TTC28: variants seen among roughly 807,000 people sequenced by gnomAD.
TTC28 encodes tetratricopeptide repeat protein 28.
A neutral mutation model predicts 198.0 loss-of-function variants in TTC28; 61 were observed. The observed-to-expected ratio is 0.31, with a 90% CI of 0.25 to 0.38. TTC28 has a LOEUF of 0.38. Ranked by LOEUF, TTC28 falls within the 10% of genes least tolerant of loss-of-function variation. TTC28 has a pLI of 1.00. For missense variants in TTC28, 2,678 were observed against 3,164.0 expected (o/e 0.85, Z 3.69); for synonymous variants, 1,171 against 1,297.8 (o/e 0.90, Z 2.10).
chr22:28,218,680 A>G (rs755759408), intron 5 of TTC28, among the ~76,000 whole-genome samples: 1 of 152,170 alleles, frequency 6.6e-6, no homozygotes, highest in Non-Finnish European at 1.5e-5. Context: ...GGTGCTTTAC[A>G]TGTACTACCC....
chr22:28,257,855 A>G (rs1222971754), intron 5 of TTC28, among the ~76,000 whole-genome samples: 1 of 150,058 alleles, frequency 6.7e-6, no homozygotes, highest in African/African-American at 2.5e-5. Context: ...GAAAGACTAC[A>G]TATAGTTTAT....
intron 17 of TTC28, among the ~76,000 whole-genome samples, chr22:27,995,026 T>A (rs1289992302): frequency 1.3e-5 from 2 of 152,126 alleles, no homozygotes; most frequent in African/African-American, 4.8e-5. Flanking sequence ...TACTGACTAC[T>A]TTCAGGCCTG....
At chr22:28,326,620 G>A (rs1487595351) in intron 2 of TTC28, among the ~76,000 whole-genome samples, 1 of 152,158 alleles carries the variant, frequency 6.6e-6, no homozygotes, top group African/African-American at 2.4e-5. Flanking sequence ...ATTAAAGAGT[G>A]AGAACAAAAG....
chr22:27,983,732 G>C lies in TTC28; in HGVS notation c.5935C>G (p.Pro1979Ala), dbSNP rs1569065717. Reference protein sequence around the residue: ...PLGYQQPPFSPTGADSIASDA... With the variant: ...PLGYQQPPFSATGADSIASDA... The stretch of plus-strand genomic sequence containing the variant: ...GAGGCGATGCTGTCCGCACCGGTGG[G>C]AGAGAAGGGGGGTTGCTGGTAACCC... Residue 1979 changes from proline to alanine, a missense_variant, in exon 23 of 23, where the codon CCC becomes GCC. Coordinates refer to ENST00000397906, the MANE Select transcript of TTC28 (RefSeq NM_001145418.2). 2.6e-6 allele frequency: 4 copies of C among 1,551,612 alleles called. No individual in the cohort carries two copies. In the East Asian group the frequency reaches 9.8e-5, roughly 38 times the overall value.
chr22:28,061,196 T>G (rs1940522674), intron 12 of TTC28, among the ~76,000 whole-genome samples: 1 of 152,250 alleles, frequency 6.6e-6, no homozygotes, highest in Non-Finnish European at 1.5e-5. Flanking sequence ...TAGTTTCTTT[T>G]GCTGTGCAGA....
At chr22:28,404,280 C>G (rs577727277) in intron 2 of TTC28, among the ~76,000 whole-genome samples, 2 of 151,920 alleles carry the variant, frequency 1.3e-5, no homozygotes, top group Admixed American at 1.3e-4. Context: ...CCACTACGCC[C>G]GGCTAATTTT....
intron 2 of TTC28, among the ~76,000 whole-genome samples, chr22:28,575,189 T>C (rs561423337): frequency 6.6e-6 from 1 of 152,360 alleles, no homozygotes; most frequent in East Asian, 1.9e-4. Flanking sequence ...CAATCCATTT[T>C]GATTTGGTTT....
chr22:28,090,049 G>T (rs1214343764), intron 12 of TTC28, among the ~76,000 whole-genome samples: 1 of 151,708 alleles, frequency 6.6e-6, no homozygotes, highest in Non-Finnish European at 1.5e-5. Flanking sequence ...CACCAACATG[G>T]CACATGTATA....
At chr22:27,995,411 A>G (rs1937533956) in intron 17 of TTC28, among the ~76,000 whole-genome samples, 1 of 152,202 alleles carries the variant, frequency 6.6e-6, no homozygotes, top group Non-Finnish European at 1.5e-5. Context: ...ACAGCACTCT[A>G]AATGATTTGA....
chr22:28,008,232 C>G (rs1938003225), intron 14 of TTC28: 1 of 152,228 alleles, frequency 6.6e-6, no homozygotes, highest in Admixed American at 6.5e-5. Flanking sequence ...GTCCTTTCCC[C>G]CAGGGCAGTG....
At chr22:28,414,746 A>AT (rs1438900849) in intron 2 of TTC28, among the ~76,000 whole-genome samples, 1 of 152,206 alleles carries the variant, frequency 6.6e-6, no homozygotes, top group Admixed American at 6.5e-5. Context: ...TGAATACGCA[A>AT]TGATCTAAGA....
chr22:28,172,370 C>T (rs1387580636), intron 5 of TTC28, among the ~76,000 whole-genome samples: 1 of 152,156 alleles, frequency 6.6e-6, no homozygotes, highest in African/African-American at 2.4e-5. Flanking sequence ...CTAGATAATT[C>T]CAAATAGTAG....
rs544489126 is a variant in TTC28, at chr22:28,036,998, T to C, written c.3933-6632A>G. 9.9e-5 allele frequency among the ~76,000 whole-genome samples: 15 copies of C among 151,520 alleles called. No homozygotes were observed. In the East Asian group the frequency reaches 2.7e-3, roughly 27 times the overall value. On this transcript the variant is annotated intron_variant, in intron 12 of 22. Coordinates refer to ENST00000397906, the MANE Select transcript of TTC28 (RefSeq NM_001145418.2). ...GAAGTTGAATCTCTGAATAGACCAA[T>C]AGGCTCTGAAATTGAGGCAATAATT...
At chr22:28,048,747 G>T (rs1203678954) in intron 12 of TTC28, among the ~76,000 whole-genome samples, 1 of 152,076 alleles carries the variant, frequency 6.6e-6, no homozygotes, top group African/African-American at 2.4e-5. Flanking sequence ...AGACAAGCCT[G>T]CTCCATCTGA....
intron 2 of TTC28, among the ~76,000 whole-genome samples, chr22:28,535,849 C>G (rs1249946801): frequency 6.6e-6 from 1 of 151,988 alleles, no homozygotes; most frequent in Admixed American, 6.6e-5. Flanking sequence ...TGAGGTCTCC[C>G]CAGGAGCAGA....
chr22:28,443,603 GA>G (rs918534239), intron 2 of TTC28, among the ~76,000 whole-genome samples: 1 of 151,854 alleles, frequency 6.6e-6, no homozygotes, highest in Admixed American at 6.6e-5. Flanking sequence ...CCTTAGTGGG[GA>G]AAGGCTGGAA....
At chr22:28,609,403 G>A (rs962562135) in intron 2 of TTC28, among the ~76,000 whole-genome samples, 6 of 152,084 alleles carry the variant, frequency 3.9e-5, no homozygotes, top group African/African-American at 9.7e-5. Context: ...ATTAGGACTC[G>A]TTGGACAGTG....
chr22:28,181,329 G>A (rs1413344911), intron 5 of TTC28, among the ~76,000 whole-genome samples: 1 of 152,098 alleles, frequency 6.6e-6, no homozygotes, highest in Non-Finnish European at 1.5e-5. Flanking sequence ...AGATTAATAA[G>A]AAAACAAGCT....
intron 6 of TTC28, among the ~76,000 whole-genome samples, chr22:28,153,418 A>C (rs887872110): frequency 1.4e-5 from 2 of 144,288 alleles, no homozygotes; most frequent in Admixed American, 6.9e-5. Context: ...AAAAAAAAAA[A>C]CCTTCGTTTT....
Sources: allele counts gnomAD v4.1 joint callset (sites outside exome capture counted in the v4.1 genomes callset), GRCh38; gene constraint gnomAD v4.1.1; transcripts MANE v1.5; gene names NCBI Gene and HGNC (gene_info 2026-07-23, HGNC 2026-07-21).